The following ANKS1B variants were observed in gnomAD, a reference collection of about 807,000 sequenced individuals.
ANKS1B encodes ankyrin repeat and sterile alpha motif domain-containing protein 1B.
ANKS1B carries 36 observed loss-of-function variants against 148.3 expected under a neutral mutation model. The observed-to-expected ratio is 0.24, with a 90% CI of 0.19 to 0.32. The LOEUF is 0.32. Among genes scored for constraint, ANKS1B ranks in the 10% least tolerant of loss-of-function variants. The pLI is 1.00. For missense variants in ANKS1B, 1,157 were observed against 1,542.6 expected, an observed-to-expected ratio of 0.75 and a Z score of 4.19; for synonymous variants, 542 against 560.8, an observed-to-expected ratio of 0.97 and a Z score of 0.47.
At chr12:99,267,520 C>A (rs1308833250) in intron 12 of ANKS1B, among the ~76,000 whole-genome samples, 1 of 151,884 alleles carries the variant, frequency 6.6e-6, no homozygotes, top group Non-Finnish European at 1.5e-5. Context: ...GGTACTATTT[C>A]CCCCAGTTTG....
At chr12:98,863,302 C>T (rs981969198) in intron 17 of ANKS1B, among the ~76,000 whole-genome samples, 34 of 152,266 alleles carry the variant, frequency 2.2e-4, no homozygotes, top group African/African-American at 7.7e-4. Context: ...TTCTGCAGCT[C>T]GGCTGGATCC....
chr12:99,942,106 C>T (rs2094934458), intron 1 of ANKS1B, among the ~76,000 whole-genome samples: 1 of 151,948 alleles, frequency 6.6e-6, no homozygotes, highest in Admixed American at 6.6e-5. Flanking sequence ...ACATGTAGAA[C>T]CTTGGAGATG....
intron 8 of ANKS1B, among the ~76,000 whole-genome samples, chr12:99,748,484 A>T (rs1338797396): frequency 1.3e-5 from 2 of 152,058 alleles, no homozygotes; most frequent in African/African-American, 4.8e-5. Flanking sequence ...GCATAAAAAA[A>T]TAGAAAACAT....
chr12:99,323,558 T>A (rs2085725261), intron 12 of ANKS1B, among the ~76,000 whole-genome samples: 1 of 152,214 alleles, frequency 6.6e-6, no homozygotes, highest in Non-Finnish European at 1.5e-5. Context: ...TACTTTCATG[T>A]CTTATTTAAA....
intron 15 of ANKS1B, among the ~76,000 whole-genome samples, chr12:99,147,147 A>T (rs965890923): frequency 1.3e-5 from 2 of 152,130 alleles, no homozygotes; most frequent in Non-Finnish European, 2.9e-5. Context: ...ACAAGTAAAG[A>T]GGTAATGTAC....
chr12:99,642,431 T>G (rs11109964), intron 9 of ANKS1B, among the ~76,000 whole-genome samples: 85,080 of 152,004 alleles, frequency 0.56, 24,615 homozygotes, highest in Admixed American at 0.65. Context: ...ACAAAATATG[T>G]TTTCTGACAG....
intron 1 of ANKS1B, among the ~76,000 whole-genome samples, chr12:99,930,445 C>T (rs1355530404): frequency 6.6e-6 from 1 of 152,182 alleles, no homozygotes; most frequent in African/African-American, 2.4e-5. Flanking sequence ...CATCTGCAAA[C>T]AGGGACAATT....
chr12:98,983,249 T>C (rs1437533291), intron 17 of ANKS1B, among the ~76,000 whole-genome samples: 1 of 152,184 alleles, frequency 6.6e-6, no homozygotes, highest in Non-Finnish European at 1.5e-5. Flanking sequence ...TTCAGGCTGT[T>C]GGAAACATTC....
chr12:99,407,762 A>G (rs1246107718), intron 11 of ANKS1B, among the ~76,000 whole-genome samples: 1 of 146,030 alleles, frequency 6.8e-6, no homozygotes, highest in African/African-American at 2.6e-5. Flanking sequence ...AGCTACAAAT[A>G]AAATAAAATA....
chr12:99,646,011 T>C (rs1314282751), intron 9 of ANKS1B, among the ~76,000 whole-genome samples: 2 of 144,804 alleles, frequency 1.4e-5, no homozygotes, highest in Non-Finnish European at 3.0e-5. Flanking sequence ...AAAAAAGTAC[T>C]TTTAAGAAAA....
chr12:99,191,139 C>T (rs2153882201), intron 14 of ANKS1B, among the ~76,000 whole-genome samples: 1 of 152,246 alleles, frequency 6.6e-6, no homozygotes, highest in South Asian at 2.1e-4. Context: ...ATCAAAACCA[C>T]AGTGAGATAT....
chr12:98,959,637 T>C (rs1478819032), intron 17 of ANKS1B, among the ~76,000 whole-genome samples: 1 of 152,164 alleles, frequency 6.6e-6, no homozygotes, highest in Non-Finnish European at 1.5e-5. Context: ...TCAGCTTAGG[T>C]ACCAGCTTGG....
chr12:99,003,909 C>T (rs1233748808), intron 17 of ANKS1B, among the ~76,000 whole-genome samples: 2 of 152,116 alleles, frequency 1.3e-5, no homozygotes, highest in Non-Finnish European at 2.9e-5. Context: ...TACTTTCCCA[C>T]TCTCATGCTG....
chr12:99,442,546 T>C (rs970950406), intron 11 of ANKS1B, among the ~76,000 whole-genome samples: 1 of 151,820 alleles, frequency 6.6e-6, no homozygotes, highest in Non-Finnish European at 1.5e-5. Flanking sequence ...AGTTGGACAA[T>C]GTAGCCCCTT....
intron 12 of ANKS1B, among the ~76,000 whole-genome samples, chr12:99,275,823 A>G (rs1172794460): frequency 6.6e-6 from 1 of 152,212 alleles, no homozygotes; most frequent in African/African-American, 2.4e-5. Context: ...AGATGGAAAG[A>G]TGTTATTGTG....
intron 11 of ANKS1B, 102 bp downstream of exon 11, chr12:99,443,571 T>G: frequency 5.8e-6 from 7 of 1,200,838 alleles, no homozygotes; most frequent in Non-Finnish European, 7.9e-6. Flanking sequence ...TCCATTGACA[T>G]ACCACATAAA....
intron 9 of ANKS1B, among the ~76,000 whole-genome samples, chr12:99,547,783 C>T (rs925635404): frequency 6.6e-6 from 1 of 152,160 alleles, no homozygotes; most frequent in Admixed American, 6.5e-5. Context: ...TAGTCTAAAA[C>T]ATCAGGTATG....
rs1366483843 is a variant in ANKS1B, at chr12:99,767,851, T to TAATAAG, written c.1128+5065_1128+5070dup. On this transcript the variant is annotated intron_variant, in intron 8 of 26. Transcript: ENST00000683438. ...ACCTCCAATTGAATACATTCAATCA[T>TAATAAG]AATAAGAATTTAATTTTTAACTTAT... Among the ~76,000 whole-genome samples, 4 of 152,128 alleles carry TAATAAG rather than the reference T, an allele frequency of 2.6e-5. No homozygotes were observed. The East Asian group carries it at 7.7e-4, about 29-fold the overall frequency.
chr12:99,204,469 A>T (rs1453197635), intron 14 of ANKS1B, among the ~76,000 whole-genome samples: 1 of 152,236 alleles, frequency 6.6e-6, no homozygotes, highest in African/African-American at 2.4e-5. Flanking sequence ...TTTTGAGGTG[A>T]GTGAAATCCG....
Sources: gnomAD v4.1 joint callset for allele counts (sites outside exome capture counted in the v4.1 genomes callset) on GRCh38, gnomAD v4.1.1 for gene constraint, MANE v1.5 for transcripts, NCBI Gene and HGNC (gene_info 2026-07-23, HGNC 2026-07-21) for gene names.